The following NBAS variants were observed in gnomAD, a reference collection of about 807,000 sequenced individuals.
The protein encoded by NBAS is NBAS subunit of NRZ tethering complex, also known as NAG/BC035112 fusion.
NBAS carries 219 observed loss-of-function variants against 302.5 expected under a neutral mutation model. The observed-to-expected ratio is 0.72, with a 90% CI of 0.65 to 0.81. NBAS has a LOEUF of 0.81. NBAS is among the 30% of genes least tolerant of loss of function. The pLI is 0.00. For missense variants in NBAS, 2,932 were observed against 2,841.6 expected (o/e 1.03, Z -0.72); for synonymous variants, 1,118 against 1,021.6 (o/e 1.09, Z -1.80).
intron 44 of NBAS, among the ~76,000 whole-genome samples, chr2:15,256,509 T>C (rs543476461): frequency 1.3e-5 from 2 of 152,318 alleles, no homozygotes; most frequent in Admixed American, 6.5e-5. Context: ...GCTGTTTGAC[T>C]TCTTCTTTAC....
intron 33 of NBAS, among the ~76,000 whole-genome samples, 168 bp from the exon 34 acceptor site, chr2:15,353,878 A>T (rs1188087884): frequency 2.0e-5 from 3 of 152,204 alleles, no homozygotes; most frequent in Non-Finnish European, 2.9e-5. Flanking sequence ...CTAAGCTAGG[A>T]AAGATTAGGG....
intron 48 of NBAS, among the ~76,000 whole-genome samples, chr2:15,214,875 G>A (rs1042613416): frequency 2.0e-5 from 3 of 152,178 alleles, no homozygotes; most frequent in Non-Finnish European, 4.4e-5. Flanking sequence ...AGGTTAGATT[G>A]TCTTAAACTA....
At chr2:14,956,401 A>T in the NBAS span, among the ~76,000 whole-genome samples, 1 of 152,284 alleles carries the variant, frequency 6.6e-6, no homozygotes, top group African/African-American at 2.4e-5. Context: ...AAACTGTTCC[A>T]ACCTCTGCCT....
At chr2:15,393,599 T>G in intron 28 of NBAS, 1 of 341,196 alleles carries the variant, frequency 2.9e-6, no homozygotes, top group African/African-American at 3.9e-5. Flanking sequence ...TCCTTAGGTA[T>G]TTGTCTGAGA....
intron 44 of NBAS, among the ~76,000 whole-genome samples, chr2:15,239,908 A>G (rs1667785414): frequency 6.6e-6 from 1 of 152,150 alleles, no homozygotes; most frequent in Non-Finnish European, 1.5e-5. Context: ...TTTTTCTAAT[A>G]TTAAAATATT....
the NBAS span, among the ~76,000 whole-genome samples, chr2:15,126,119 C>T: frequency 0.97 from 147,150 of 152,216 alleles, 71,149 homozygotes; most frequent in East Asian, 1. Flanking sequence ...CCCTTGGTGA[C>T]GAGTGAGTTC....
At chr2:15,098,615 G>A in the NBAS span, among the ~76,000 whole-genome samples, 5 of 82,876 alleles carry the variant, frequency 6.0e-5, no homozygotes, top group Non-Finnish European at 1.1e-4. Context: ...TGTATATAAT[G>A]TATTATATAT....
At chr2:14,787,060 C>T in the NBAS span, among the ~76,000 whole-genome samples, 1 of 152,096 alleles carries the variant, frequency 6.6e-6, no homozygotes, top group Non-Finnish European at 1.5e-5. Flanking sequence ...TGAATTGATC[C>T]CTTTACCATT....
the NBAS span, among the ~76,000 whole-genome samples, chr2:15,089,925 T>C: frequency 6.6e-6 from 1 of 151,868 alleles, no homozygotes; most frequent in Non-Finnish European, 1.5e-5. Flanking sequence ...ATTTTTGTAT[T>C]TTTTAGTAGA....
chr2:15,541,310 T>C (rs1663805765), intron 6 of NBAS, among the ~76,000 whole-genome samples: 1 of 152,188 alleles, frequency 6.6e-6, no homozygotes, highest in Non-Finnish European at 1.5e-5. Flanking sequence ...AATGTTTCAC[T>C]AACGAGTGAC....
At chr2:15,034,233 AAG>A in the NBAS span, among the ~76,000 whole-genome samples, 2 of 69,050 alleles carry the variant, frequency 2.9e-5, no homozygotes, top group African/African-American at 7.4e-5. Context: ...GGAAAGAAAG[AAG>A]GAAAGAAAGA....
the NBAS span, among the ~76,000 whole-genome samples, chr2:14,832,091 C>T: frequency 2.6e-5 from 4 of 152,118 alleles, no homozygotes; most frequent in African/African-American, 9.7e-5. Context: ...AAGGTCATGG[C>T]TGTGTGTTTT....
At chr2:14,814,646 GA>G in the NBAS span, among the ~76,000 whole-genome samples, 2 of 152,224 alleles carry the variant, frequency 1.3e-5, no homozygotes, top group Admixed American at 1.3e-4. Context: ...CTCATTGGCA[GA>G]AGGGACTTGC....
At chr2:15,333,872 G>C (rs1672463323) in intron 35 of NBAS, among the ~76,000 whole-genome samples, 1 of 149,590 alleles carries the variant, frequency 6.7e-6, no homozygotes, top group Non-Finnish European at 1.5e-5. Context: ...AGCCGCGCAA[G>C]TTGTTGAGGA....
At chr2:15,303,676 G>T (rs1670906583) in intron 40 of NBAS, among the ~76,000 whole-genome samples, 1 of 152,202 alleles carries the variant, frequency 6.6e-6, no homozygotes, top group South Asian at 2.1e-4. Flanking sequence ...GTCACAAACA[G>T]TACATGCATT....
intron 4 of NBAS, 117 bp from the exon 5 acceptor site, chr2:15,553,590 T>A: frequency 2.1e-6 from 2 of 944,160 alleles, no homozygotes; most frequent in South Asian, 2.8e-5. Flanking sequence ...TTCACATGCT[T>A]TAATTATCCA....
At chr2:14,867,378 C>T in the NBAS span, among the ~76,000 whole-genome samples, 1 of 152,136 alleles carries the variant, frequency 6.6e-6, no homozygotes, top group Non-Finnish European at 1.5e-5. Context: ...CAAGGAAGCA[C>T]AGAGTCAGCC....
intron 2 of NBAS, 72 bp downstream of exon 2, chr2:15,558,508 A>C: frequency 8.4e-7 from 1 of 1,190,816 alleles, no homozygotes; most frequent in East Asian, 2.4e-5. Flanking sequence ...ATTAGGCTCC[A>C]CATCAGAAGT....
At chr2:15,078,176 A>C in the NBAS span, among the ~76,000 whole-genome samples, 1 of 152,194 alleles carries the variant, frequency 6.6e-6, no homozygotes, top group African/African-American at 2.4e-5. Context: ...TGTGTTCCAT[A>C]ACACAGAGTT....
Sources: gnomAD v4.1 joint callset for allele counts (sites outside exome capture counted in the v4.1 genomes callset) on GRCh38, gnomAD v4.1.1 for gene constraint, MANE v1.5 for transcripts, NCBI Gene and HGNC (gene_info 2026-07-23, HGNC 2026-07-21) for gene names.